The following TAFA5 variants were observed in gnomAD, a reference collection of about 807,000 sequenced individuals.
TAFA5 encodes chemokine-like protein TAFA-5.
A neutral mutation model predicts 15.3 loss-of-function variants in TAFA5; 6 were observed. The observed-to-expected ratio is 0.39, with a 90% CI of 0.21 to 0.77. The LOEUF (loss-of-function observed/expected upper bound fraction) is 0.77, where lower values mean the gene tolerates loss of function less well. Among genes scored for constraint, TAFA5 ranks in the 30% least tolerant of loss-of-function variants. TAFA5 has a pLI of 0.41. For synonymous variants in TAFA5, 103 were observed against 80.7 expected (o/e 1.28, Z -1.48); for missense variants, 161 against 193.1 (o/e 0.83, Z 0.98).
intron 1 of TAFA5, among the ~76,000 whole-genome samples, chr22:48,581,705 G>A (rs1196815486): frequency 1.3e-5 from 2 of 152,328 alleles, no homozygotes; most frequent in African/African-American, 2.4e-5. Flanking sequence ...GTGTGTACAC[G>A]TGCCTGCTTA....
At chr22:48,605,321 G>A (rs866626045) in intron 1 of TAFA5, among the ~76,000 whole-genome samples, 6 of 83,008 alleles carry the variant, frequency 7.2e-5, no homozygotes, top group East Asian at 6.1e-4. Context: ...GGTGGTGATG[G>A]TGATGATGGT....
intron 3 of TAFA5, among the ~76,000 whole-genome samples, chr22:48,732,226 G>T (rs1398369947): frequency 6.6e-6 from 1 of 150,796 alleles, no homozygotes; most frequent in Non-Finnish European, 1.5e-5. Flanking sequence ...ACTTCTTGGG[G>T]ATAAGCAATG....
At chr22:48,574,965 G>A (rs1569030646) in intron 1 of TAFA5, among the ~76,000 whole-genome samples, 1 of 152,208 alleles carries the variant, frequency 6.6e-6, no homozygotes, top group Admixed American at 6.5e-5. Context: ...CACGCTCTTG[G>A]GTGCAGGGCA....
chr22:48,659,584 G>A (rs1295036719), intron 2 of TAFA5, among the ~76,000 whole-genome samples: 7 of 152,234 alleles, frequency 4.6e-5, no homozygotes, highest in African/African-American at 1.7e-4. Flanking sequence ...AGCTGGGGGT[G>A]GGGCATTCTT....
chr22:48,680,573 G>A (rs1039373524), intron 2 of TAFA5, among the ~76,000 whole-genome samples: 1 of 152,132 alleles, frequency 6.6e-6, no homozygotes, highest in Non-Finnish European at 1.5e-5. Flanking sequence ...GGAGCTGAGG[G>A]ACCCCAGCAC....
chr22:48,568,089 T>C (rs1200487830), intron 1 of TAFA5, among the ~76,000 whole-genome samples: 3 of 152,080 alleles, frequency 2.0e-5, no homozygotes, highest in African/African-American at 7.2e-5. Flanking sequence ...TAAATGCGAG[T>C]AAAACAGCCA....
intron 1 of TAFA5, among the ~76,000 whole-genome samples, chr22:48,496,129 T>A (rs1928315485): frequency 6.6e-6 from 1 of 152,246 alleles, no homozygotes; most frequent in Non-Finnish European, 1.5e-5. Flanking sequence ...CCCTGCTTCC[T>A]GAGGCATCCC....
At chr22:48,665,175 A>G (rs4925399) in intron 2 of TAFA5, among the ~76,000 whole-genome samples, 90,490 of 151,702 alleles carry the variant, frequency 0.6, 27,499 homozygotes, top group South Asian at 0.71. Context: ...GATCCTGGGC[A>G]TGACTCTACA....
intron 2 of TAFA5, among the ~76,000 whole-genome samples, chr22:48,691,485 G>T (rs1041595530): frequency 1.3e-5 from 2 of 152,268 alleles, no homozygotes; most frequent in Non-Finnish European, 2.9e-5. Flanking sequence ...CGCAGGTGAG[G>T]AGGCAAACTG....
rs190830908 is a variant in TAFA5 at position 48,640,610 on chromosome 22, C to G, written c.113-5987C>G. On this transcript the variant is annotated intron_variant, in intron 1 of 3. Coordinates refer to ENST00000402357, the MANE Select transcript of TAFA5 (RefSeq NM_001082967.3). The stretch of plus-strand genomic sequence containing the variant: ...GCGTTTACCCCGGGGCCATTTCTTG[C>G]AGAGGCTGGGCGGGGGCTCCTAAGT... Among the ~76,000 whole-genome samples, 409 of 151,478 alleles carry G rather than the reference C, an allele frequency of 2.7e-3. 5 individuals are homozygous for G. Among genetic ancestry groups the G allele is most frequent in the Admixed American group, 0.024 (372 of 15,254 alleles).
intron 2 of TAFA5, among the ~76,000 whole-genome samples, chr22:48,652,127 G>A (rs1004599837): frequency 1.1e-4 from 16 of 152,248 alleles, no homozygotes; most frequent in Non-Finnish European, 1.6e-4. Flanking sequence ...ACCTCGAGGC[G>A]CCAACGGGGC....
chr22:48,578,876 T>C (rs1422599989), intron 1 of TAFA5, among the ~76,000 whole-genome samples: 1 of 152,144 alleles, frequency 6.6e-6, no homozygotes, highest in African/African-American at 2.4e-5. Flanking sequence ...GGTGGCCGAC[T>C]CTGGTTCCTG....
At chr22:48,512,629 A>C (rs944680941) in intron 1 of TAFA5, among the ~76,000 whole-genome samples, 2 of 150,324 alleles carry the variant, frequency 1.3e-5, no homozygotes, top group African/African-American at 4.9e-5. Context: ...TTGTCTCAAA[A>C]GAGAGAGACG....
intron 2 of TAFA5, among the ~76,000 whole-genome samples, chr22:48,695,659 T>C (rs1455523362): frequency 6.6e-6 from 1 of 152,170 alleles, no homozygotes; most frequent in Non-Finnish European, 1.5e-5. Context: ...AATTGGCTTC[T>C]CTTCATGGGT....
intron 2 of TAFA5, among the ~76,000 whole-genome samples, chr22:48,690,815 C>G (rs1166076581): frequency 5.3e-5 from 8 of 152,126 alleles, no homozygotes; most frequent in Admixed American, 5.2e-4. Context: ...TGTGGGCTGA[C>G]CTATGTCAGC....
intron 2 of TAFA5, among the ~76,000 whole-genome samples, chr22:48,662,177 G>A (rs998213009): frequency 6.6e-6 from 1 of 152,138 alleles, no homozygotes; most frequent in Non-Finnish European, 1.5e-5. Flanking sequence ...GATGTGCCTG[G>A]TGCCTGTGGG....
At chr22:48,658,578 C>A (rs1367055629) in intron 2 of TAFA5, among the ~76,000 whole-genome samples, 1 of 152,222 alleles carries the variant, frequency 6.6e-6, no homozygotes, top group African/African-American at 2.4e-5. Flanking sequence ...ATATGGATCA[C>A]CCCATTCATT....
At chr22:48,633,782 TAAAGTG>T (rs1926334273) in intron 1 of TAFA5, among the ~76,000 whole-genome samples, 1 of 152,174 alleles carries the variant, frequency 6.6e-6, no homozygotes, top group African/African-American at 2.4e-5. Context: ...CATCTTTAGT[TAAAGTG>T]AAGATGAGGA....
At chr22:48,524,028 A>G (rs1921696452) in intron 1 of TAFA5, among the ~76,000 whole-genome samples, 1 of 152,232 alleles carries the variant, frequency 6.6e-6, no homozygotes. Context: ...TGCCTGTCAG[A>G]GGGCGGAAGC....
Sources: gnomAD v4.1 joint callset for allele counts (sites outside exome capture counted in the v4.1 genomes callset) on GRCh38, gnomAD v4.1.1 for gene constraint, MANE v1.5 for transcripts, NCBI Gene and HGNC (gene_info 2026-07-23, HGNC 2026-07-21) for gene names.